The following DACH2 variants were observed in gnomAD, a reference collection of about 807,000 sequenced individuals.
DACH2 encodes dachshund family transcription factor 2, also known as dachshund homolog 2.
In DACH2, 17 loss-of-function variants were observed where a neutral mutation model predicts 35.8. The observed-to-expected ratio is 0.48, with a 90% CI of 0.33 to 0.71. The LOEUF is 0.71. Among genes scored for constraint, DACH2 ranks in the 30% least tolerant of loss-of-function variants. DACH2 has a pLI of 0.02. For synonymous variants in DACH2, 195 were observed against 177.3 expected, an observed-to-expected ratio of 1.10 and a Z score of -0.79; for missense variants, 469 against 472.7, an observed-to-expected ratio of 0.99 and a Z score of 0.07.
At chrX:86,778,800 G>A (rs761166068) in intron 7 of DACH2, among the ~76,000 whole-genome samples, 1 of 110,732 alleles carries the variant, frequency 9.0e-6, no homozygotes. Context: ...TAGTAGAGAC[G>A]GGGTTTCACC....
At chrX:86,188,070 A>C (rs2031732582) in intron 1 of DACH2, among the ~76,000 whole-genome samples, 1 of 111,914 alleles carries the variant, frequency 8.9e-6, no homozygotes, top group African/African-American at 3.2e-5. Context: ...TTTAACCCCT[A>C]AGAAAGTGAG....
intron 2 of DACH2, among the ~76,000 whole-genome samples, chrX:86,487,011 C>A (rs2038028038): frequency 9.0e-6 from 1 of 111,528 alleles, no homozygotes; most frequent in Admixed American, 9.6e-5. Context: ...AAGAGTTTGT[C>A]CAGGAGCAGT....
At chrX:86,774,190 C>T (rs1321257532) in intron 7 of DACH2, among the ~76,000 whole-genome samples, 1 of 112,049 alleles carries the variant, frequency 8.9e-6, no homozygotes, top group African/African-American at 3.2e-5. Flanking sequence ...CCCTCCCCTC[C>T]AAGAATTATA....
intron 2 of DACH2, among the ~76,000 whole-genome samples, chrX:86,473,381 CTT>C (rs1220881607): frequency 9.0e-6 from 1 of 110,853 alleles, no homozygotes; most frequent in Admixed American, 9.6e-5. Flanking sequence ...CAACTGAACT[CTT>C]TTGATTTTTT....
At chrX:86,799,175 C>T in intron 7 of DACH2, 1 of 275,981 alleles carries the variant, frequency 3.6e-6, no homozygotes, top group South Asian at 4.1e-5. Context: ...TCGCACTGAT[C>T]CAACAACTTT....
chrX:86,546,404 C>CTTCTTCCTCTTCTTCCTTCTT (rs774988785), intron 3 of DACH2, among the ~76,000 whole-genome samples: 1 of 21,693 alleles, frequency 4.6e-5, no homozygotes, highest in African/African-American at 1.2e-4. Flanking sequence ...TCTTCTTCTT[C>CTTCTTCCTCTTCTTCCTTCTT]CTTCTTCTTC....
chrX:86,767,950 T>TGTTG (rs1427020207), intron 7 of DACH2, among the ~76,000 whole-genome samples: 3 of 111,576 alleles, frequency 2.7e-5, no homozygotes, highest in African/African-American at 9.8e-5. Flanking sequence ...GTTTTTTGTT[T>TGTTG]GTTTGTTTGT....
intron 4 of DACH2, among the ~76,000 whole-genome samples, chrX:86,670,610 A>C (rs1304733951): frequency 9.0e-6 from 1 of 111,727 alleles, no homozygotes; most frequent in Non-Finnish European, 1.9e-5. Context: ...GGGATGACTT[A>C]TACGTCTCTG....
intron 2 of DACH2, among the ~76,000 whole-genome samples, chrX:86,449,905 T>C (rs1018455083): frequency 8.9e-6 from 1 of 111,872 alleles, no homozygotes; most frequent in African/African-American, 3.2e-5. Flanking sequence ...ACTTATGATA[T>C]GTGATTCACT....
chrX:86,334,191 T>A (rs1357231867), intron 1 of DACH2, among the ~76,000 whole-genome samples: 1 of 112,316 alleles, frequency 8.9e-6, no homozygotes, highest in Non-Finnish European at 1.9e-5. Context: ...GTCCTTGCTA[T>A]TGTGAACAGT....
In DACH2 at chrX:86,496,211, A is replaced by T. The variant is rs183957175; in HGVS notation, c.528-18068A>T. On this transcript the variant is annotated intron_variant, in intron 2 of 11. Coordinates refer to ENST00000373125, the MANE Select transcript of DACH2 (RefSeq NM_053281.3). ...AGTGAAACGTTTATCTAAATTAAAAATGTGATAAACTAATTCTTTAATACA... is the reference window on the plus strand; with the variant it reads ...AGTGAAACGTTTATCTAAATTAAAATTGTGATAAACTAATTCTTTAATACA... Among the ~76,000 whole-genome samples the T allele has an allele frequency of 3.8e-3, 429 of 112,112 alleles. 2 individuals carry two copies. Among genetic ancestry groups the T allele is most frequent in the African/African-American group, 0.014 (421 of 30,968 alleles).
At chrX:86,198,580 G>A (rs1230119224) in intron 1 of DACH2, among the ~76,000 whole-genome samples, 1 of 110,781 alleles carries the variant, frequency 9.0e-6, no homozygotes, top group African/African-American at 3.3e-5. Flanking sequence ...CAAAAAAGGG[G>A]ATATTACCAC....
Position 86,801,229 on chromosome X carries a change from T to G in DACH2, c.1241-11627T>G, listed in dbSNP as rs1025234667. ...AGTGCATCAATTTTTTTTTTTTAAA[T>G]TTTTTGAAGAGGTGGAGTCCCACTA... is the stretch of plus-strand genomic sequence containing the variant. On this transcript the variant is annotated intron_variant, in intron 7 of 11. Coordinates refer to ENST00000373125, the MANE Select transcript of DACH2 (RefSeq NM_053281.3). 3.7e-5 allele frequency among the ~76,000 whole-genome samples: 4 copies of G among 109,009 alleles called. No homozygotes were observed. The Admixed American group carries it at 4.0e-4, about 11-fold the overall frequency. The allele number at this position is 109,009 out of a possible 115,157, so 94.7% of individuals were successfully genotyped here.
At chrX:86,285,351 T>C (rs931153431) in intron 1 of DACH2, among the ~76,000 whole-genome samples, 7 of 111,966 alleles carry the variant, frequency 6.3e-5, no homozygotes, top group African/African-American at 2.3e-4. Flanking sequence ...ATTACTGTAT[T>C]CCATCAATTT....
intron 1 of DACH2, among the ~76,000 whole-genome samples, chrX:86,313,614 C>T (rs1219536664): frequency 8.9e-6 from 1 of 112,010 alleles, no homozygotes; most frequent in Non-Finnish European, 1.9e-5. Context: ...CAATTACAGA[C>T]CTGCATCCTA....
chrX:86,322,441 A>G (rs1248520926), intron 1 of DACH2, among the ~76,000 whole-genome samples: 1 of 110,118 alleles, frequency 9.1e-6, no homozygotes, highest in Non-Finnish European at 1.9e-5. Flanking sequence ...AGGGGAAGAC[A>G]GTGGGGGTGC....
At chrX:86,708,657 G>C (rs983316341) in intron 5 of DACH2, among the ~76,000 whole-genome samples, 1 of 109,480 alleles carries the variant, frequency 9.1e-6, no homozygotes, top group Non-Finnish European at 1.9e-5. Flanking sequence ...GGGAGTGGGG[G>C]AGGAGGAAGT....
chrX:86,577,917 A>G (rs1457131406), intron 3 of DACH2, among the ~76,000 whole-genome samples: 1 of 112,063 alleles, frequency 8.9e-6, no homozygotes, highest in African/African-American at 3.2e-5. Flanking sequence ...CCCTTACCAT[A>G]TACCTTGACC....
intron 3 of DACH2, among the ~76,000 whole-genome samples, chrX:86,648,570 G>T (rs2040440766): frequency 9.0e-6 from 1 of 110,813 alleles, no homozygotes; most frequent in Non-Finnish European, 1.9e-5. Flanking sequence ...CTTGAGTATA[G>T]TTTTATCTGA....
Sources: gnomAD v4.1 joint callset for allele counts (sites outside exome capture counted in the v4.1 genomes callset) on GRCh38, gnomAD v4.1.1 for gene constraint, MANE v1.5 for transcripts, NCBI Gene and HGNC (gene_info 2026-07-23, HGNC 2026-07-21) for gene names.